Variants in TBC1D22B observed in about 807,000 individuals in gnomAD.
TBC1D22B encodes TBC1 domain family member 22B.
A neutral mutation model predicts 69.1 loss-of-function variants in TBC1D22B; 32 were observed. That is an observed-to-expected ratio of 0.46 (90% CI 0.35 to 0.62). TBC1D22B has a LOEUF of 0.62. TBC1D22B is among the 20% of genes least tolerant of loss of function. The probability of loss-of-function intolerance (pLI) is 0.00; values close to 1 mark genes in which losing one functional copy is unlikely to be tolerated. For missense variants in TBC1D22B, 462 were observed against 630.9 expected, an observed-to-expected ratio of 0.73 and a Z score of 2.87; for synonymous variants, 206 against 229.8, an observed-to-expected ratio of 0.90 and a Z score of 0.94.
At chr6:37,291,659 A>C (rs1767188389) in intron 8 of TBC1D22B, among the ~76,000 whole-genome samples, 1 of 152,206 alleles carries the variant, frequency 6.6e-6, no homozygotes, top group African/African-American at 2.4e-5. Flanking sequence ...TGTTTCCGAC[A>C]TAGGCCCTCA....
chr6:37,263,297 T>C (rs1203337689), intron 1 of TBC1D22B, among the ~76,000 whole-genome samples: 1 of 152,254 alleles, frequency 6.6e-6, no homozygotes, highest in Non-Finnish European at 1.5e-5. Context: ...ACATATGTTA[T>C]ATTTGTAATC....
rs368234886 is a variant in TBC1D22B at position 37,312,946 on chromosome 6, C to G, written c.1011C>G (p.Thr337=). 2.0e-5 allele frequency: 32 copies of G among 1,614,020 alleles called. No homozygotes were observed. Among genetic ancestry groups the G allele is most frequent in the Middle Eastern group, 3.3e-4 (2 of 6,084 alleles). Reference sequence around the variant, plus strand: ...AGGATGTGGAGAACTTTGACGTGACCAACTTGTCTCAAGACATGCTGCGAA... The same window carrying G: ...AGGATGTGGAGAACTTTGACGTGACGAACTTGTCTCAAGACATGCTGCGAA... ...VEEDVENFDV[T]NLSQDMLRSI... is the part of the protein sequence containing the mutation. The change falls in exon 9 of 13, where the codon ACC becomes ACG. Residue 337 remains threonine, a synonymous_variant. Transcript: ENST00000373491.
intron 8 of TBC1D22B, among the ~76,000 whole-genome samples, chr6:37,312,646 A>G (rs1391712295): frequency 6.6e-6 from 1 of 152,264 alleles, no homozygotes; most frequent in African/African-American, 2.4e-5. Flanking sequence ...AACAAATGCC[A>G]AGGAAGAGAA....
At chr6:37,318,474 T>C (rs1768145382) in intron 12 of TBC1D22B, among the ~76,000 whole-genome samples, 1 of 152,164 alleles carries the variant, frequency 6.6e-6, no homozygotes, top group South Asian at 2.1e-4. Context: ...ATCTTGAGTT[T>C]GGAGTTTGAA....
At position 37,273,176 on chromosome 6, in the gene TBC1D22B, C is replaced by T. The variant is rs372338609; in HGVS notation, c.113+3526C>T. 6.2e-3 allele frequency among the ~76,000 whole-genome samples: 699 copies of T among 112,846 alleles called. 9 individuals carry two copies. Among genetic ancestry groups the T allele is most frequent in the African/African-American group, 0.022 (639 of 28,888 alleles). The allele number at this position is 112,846 out of a possible 152,430, so 74.0% of individuals were successfully genotyped here. A position where few individuals can be genotyped will look rare whatever the true frequency, so the allele number is the denominator to read the frequency against. On this transcript the variant is annotated intron_variant, in intron 2 of 12. Transcript: ENST00000373491. ...AAAGCTATAGCAGCCGACTCGTAAC[C>T]CCGAGGCAAAAAAAAAAAAAAAAAA...
chr6:37,325,769 C>A (rs4711492), intron 12 of TBC1D22B, among the ~76,000 whole-genome samples: 1 of 151,924 alleles, frequency 6.6e-6, no homozygotes, highest in African/African-American at 2.4e-5. Flanking sequence ...AGGCTGGTCG[C>A]GAACTCCTAA....
At position 37,279,469 on chromosome 6, in the gene TBC1D22B, T is replaced by C. The variant is rs748591436; in HGVS notation, c.279T>C (p.Ala93=). 1 of 1,614,172 alleles carries C rather than the reference T, an allele frequency of 6.2e-7. No individual in the cohort carries two copies. Among genetic ancestry groups the C allele is most frequent in the Non-Finnish European group, 8.5e-7 (1 of 1,180,028 alleles). The change falls in exon 3 of 13, where the codon GCT becomes GCC. Residue 93 remains alanine, a synonymous_variant. Coordinates refer to ENST00000373491, the MANE Select transcript of TBC1D22B (RefSeq NM_017772.4). ...TCCAAACTCTGAACTCAAAAGTTGC[T>C]TTGGCAACTGCAGCCCAAGTTCTAG... is the stretch of plus-strand genomic sequence containing the variant. ...PSFQTLNSKV[A]LATAAQVLEN...
chr6:37,312,342 C>G (rs1205945465), intron 8 of TBC1D22B, among the ~76,000 whole-genome samples: 1 of 152,170 alleles, frequency 6.6e-6, no homozygotes, highest in African/African-American at 2.4e-5. Context: ...GAAATACCAT[C>G]TTGTTGGAAT....
rs1228372431 is a variant in TBC1D22B, at chr6:37,330,525, C to T, written c.1390-519C>T. On this transcript the variant is annotated intron_variant, in intron 12 of 12. Coordinates refer to ENST00000373491, the MANE Select transcript of TBC1D22B (RefSeq NM_017772.4). ...GTGTGGGATTACAGGCGTGAGCCAC[C>T]GCGCCTGGCCTATATTTTAACTTTG... 2.6e-5 allele frequency among the ~76,000 whole-genome samples: 4 copies of T among 152,040 alleles called. No homozygotes were observed. The East Asian group carries it at 5.8e-4, about 22-fold the overall frequency.
At chr6:37,275,958 CT>C (rs902014842) in intron 2 of TBC1D22B, among the ~76,000 whole-genome samples, 2 of 144,250 alleles carry the variant, frequency 1.4e-5, no homozygotes, top group Admixed American at 1.4e-4. Context: ...TCATTCTTTT[CT>C]TTTTTTCTTT....
chr6:37,328,038 G>T (rs1251826260), intron 12 of TBC1D22B, among the ~76,000 whole-genome samples: 2 of 152,188 alleles, frequency 1.3e-5, no homozygotes, highest in Non-Finnish European at 2.9e-5. Flanking sequence ...GGTGGGCCAG[G>T]CGCGGTAGCT....
At chr6:37,293,568 A>G (rs956368186) in intron 8 of TBC1D22B, among the ~76,000 whole-genome samples, 3 of 152,082 alleles carry the variant, frequency 2.0e-5, no homozygotes, top group African/African-American at 7.2e-5. Context: ...GGGCCTCCCT[A>G]TTCCCTGAGA....
intron 2 of TBC1D22B, among the ~76,000 whole-genome samples, chr6:37,278,937 AAAAG>A (rs1460150373): frequency 6.6e-6 from 1 of 152,070 alleles, no homozygotes; most frequent in Non-Finnish European, 1.5e-5. Flanking sequence ...TCAAAAAAAA[AAAAG>A]AGAGAGGTTA....
chr6:37,322,880 G>A (rs774900611), intron 12 of TBC1D22B, among the ~76,000 whole-genome samples: 4 of 152,214 alleles, frequency 2.6e-5, no homozygotes, highest in Admixed American at 2.6e-4. Flanking sequence ...TTCACTGCAC[G>A]TGTAGACGAG....
intron 2 of TBC1D22B, among the ~76,000 whole-genome samples, chr6:37,275,384 A>G (rs1766637816): frequency 6.6e-6 from 1 of 151,744 alleles, no homozygotes; most frequent in Admixed American, 6.6e-5. Context: ...TTGGCTGTGT[A>G]TAGTTGGGGA....
At chr6:37,268,764 T>C (rs1196378086) in intron 1 of TBC1D22B, among the ~76,000 whole-genome samples, 2 of 152,252 alleles carry the variant, frequency 1.3e-5, no homozygotes, top group Non-Finnish European at 2.9e-5. Flanking sequence ...TTGTCAGTTT[T>C]TGAAGTCTAT....
intron 2 of TBC1D22B, among the ~76,000 whole-genome samples, chr6:37,271,039 G>A (rs987489735): frequency 3.4e-4 from 51 of 152,038 alleles, no homozygotes; most frequent in African/African-American, 1.2e-3. Flanking sequence ...ACTGCCAGGC[G>A]CAGTGGCTCA....
intron 1 of TBC1D22B, among the ~76,000 whole-genome samples, chr6:37,264,415 C>G (rs554463522): frequency 6.6e-6 from 1 of 152,256 alleles, no homozygotes; most frequent in African/African-American, 2.4e-5. Context: ...CAGACTCAAG[C>G]AATTCTTGTG....
intron 1 of TBC1D22B, among the ~76,000 whole-genome samples, chr6:37,267,833 T>C (rs1212937204): frequency 6.6e-6 from 1 of 152,206 alleles, no homozygotes; most frequent in African/African-American, 2.4e-5. Context: ...GGATTTAATG[T>C]TAAACAGGTA....
Sources: allele counts gnomAD v4.1 joint callset (sites outside exome capture counted in the v4.1 genomes callset), GRCh38; gene constraint gnomAD v4.1.1; transcripts MANE v1.5; gene names NCBI Gene and HGNC (gene_info 2026-07-23, HGNC 2026-07-21).